Variants in ZNF33A observed in about 807,000 individuals in gnomAD.
ZNF33A encodes the protein zinc finger protein 33A, also known as brain my041 protein.
A neutral mutation model predicts 15.9 loss-of-function variants in ZNF33A; 9 were observed. The ratio of observed to expected loss-of-function variants is 0.57; its 90% CI spans 0.34 to 0.99. The LOEUF is 0.99. ZNF33A is among the 50% of genes least tolerant of loss of function. The pLI is 0.02. For synonymous variants in ZNF33A, 294 were observed against 324.2 expected, an observed-to-expected ratio of 0.91 and a Z score of 1.00; for missense variants, 843 against 941.6, an observed-to-expected ratio of 0.90 and a Z score of 1.37.
chr10:38,043,356 G>A (rs1421265936), intron 4 of ZNF33A, among the ~76,000 whole-genome samples: 1 of 140,600 alleles, frequency 7.1e-6, no homozygotes, highest in East Asian at 2.3e-4. Context: ...GTGGGGTAGG[G>A]GGAGGGGGGA....
Position 38,056,989 on chromosome 10 carries a change from C to A in ZNF33A, c.*429C>A. On this transcript the variant is annotated 3_prime_UTR_variant, in exon 5 of 5. Transcript: ENST00000432900. Reference sequence around the variant, plus strand: ...AATGAGTAGAGAGAATTCCCATGTACACTTCACCAAACTTCCTCTAAGGAT... The same window carrying A: ...AATGAGTAGAGAGAATTCCCATGTAAACTTCACCAAACTTCCTCTAAGGAT... 1.2e-6 allele frequency: 1 copy of A among 831,800 alleles called. No homozygotes were observed. The highest frequency in any genetic ancestry group is 5.3e-5 in the South Asian group (1 of 18,728). 51.5% of individuals were successfully genotyped at this position (831,800 alleles called of 1,614,324 possible).
Position 38,055,227 on chromosome 10 carries a change from A to G in ZNF33A, c.1103A>G (p.Asp368Gly), listed in dbSNP as rs1363289275. 1.2e-6 allele frequency: 2 copies of G among 1,614,180 alleles called. No homozygotes were observed. Among genetic ancestry groups the G allele is most frequent in the Admixed American group, 1.7e-5 (1 of 60,022 alleles). Residue 368 changes from aspartate (D) to glycine (G), a missense_variant, in exon 5 of 5, where the codon GAT (aspartate) becomes GGT (glycine). Transcript: ENST00000432900. Reference sequence around the variant, plus strand: ...AATGAATGTGAAAAAGCTTTCTGGGATAAGTCAAACCTCACTAAACATCAA... The same window carrying G: ...AATGAATGTGAAAAAGCTTTCTGGGGTAAGTCAAACCTCACTAAACATCAA... ...QCNECEKAFW[D>G]KSNLTKHQRS...
intron 4 of ZNF33A, among the ~76,000 whole-genome samples, chr10:38,053,135 A>AAC (rs2066288806): frequency 2.0e-5 from 3 of 151,752 alleles, no homozygotes; most frequent in Non-Finnish European, 4.4e-5. Flanking sequence ...GTTTCAGTCA[A>AAC]GTGTAGTTTC....
At position 38,054,922 on chromosome 10, in the gene ZNF33A, G is replaced by C. The variant is rs751939801; in HGVS notation, c.798G>C (p.Gln266His). 3.1e-6 allele frequency: 5 copies of C among 1,613,932 alleles called. No homozygotes were observed. Among genetic ancestry groups the C allele is most frequent in the Non-Finnish European group, 4.2e-6 (5 of 1,179,984 alleles). The change falls in exon 5 of 5, where the codon CAG becomes CAC. Residue 266 changes from glutamine (Q) to histidine (H), a missense_variant. By Grantham distance (24) the Gln-to-His change is conservative (BLOSUM62 0). Transcript: ENST00000432900. ...ATAGTTCATCCCTCTTGTTCCATCA[G>C]ATATCTCCGTCAAGGGACAATCACT... ...LCDSSSLLFH[Q>H]ISPSRDNHYE...
At chr10:38,016,006 A>G (rs998886448) in intron 2 of ZNF33A, 3 of 1,231,518 alleles carry the variant, frequency 2.4e-6, no homozygotes, top group African/African-American at 1.6e-5. Context: ...GATATCCAGA[A>G]CAATCCAATT....
chr10:38,046,320 TAC>T (rs1279851482), intron 4 of ZNF33A, among the ~76,000 whole-genome samples: 3 of 152,144 alleles, frequency 2.0e-5, no homozygotes, highest in Non-Finnish European at 2.9e-5. Flanking sequence ...AAGGGAACAG[TAC>T]ACAATACTCA....
chr10:38,011,312 C>T (rs1244616319), intron 1 of ZNF33A, among the ~76,000 whole-genome samples: 1 of 152,186 alleles, frequency 6.6e-6, no homozygotes, highest in Non-Finnish European at 1.5e-5. Context: ...TGGCCTGGCG[C>T]GGTGGCTCTC....
chr10:38,036,737 G>A (rs141738530), intron 4 of ZNF33A, among the ~76,000 whole-genome samples: 2 of 152,258 alleles, frequency 1.3e-5, no homozygotes, highest in South Asian at 2.1e-4. Flanking sequence ...GAAATGGTAG[G>A]TAATGCCATA....
rs1329748701 is a variant in ZNF33A, at chr10:38,055,380, G to C, written c.1256G>C (p.Gly419Ala). 1.9e-6 allele frequency: 3 copies of C among 1,613,858 alleles called. No homozygotes were observed. In the African/African-American group the frequency reaches 4.0e-5, roughly 22 times the overall value. The change falls in exon 5 of 5, where the codon GGG becomes GCG. Residue 419 changes from glycine (G) to alanine (A), a missense_variant. Transcript: ENST00000432900. ...AAACCCTATCAATGTAATGCGTGTG[G>C]GAAAACTTTTTGCCAGAAATCTGAC... ...GEKPYQCNACGKTFCQKSDLT... is the reference protein window; with the variant it reads ...GEKPYQCNACAKTFCQKSDLT...
rs140689355 is a variant in ZNF33A, at chr10:38,026,903, T to G, written c.250+9517T>G. Among the ~76,000 whole-genome samples, 150 of 152,342 alleles carry G rather than the reference T, an allele frequency of 9.8e-4. 3 individuals are homozygous for G. The East Asian group carries it at 0.024, about 24-fold the overall frequency. On this transcript the variant is annotated intron_variant, in intron 4 of 4. Coordinates refer to ENST00000432900, the MANE Select transcript of ZNF33A (RefSeq NM_006954.2). ...GGCAACCTCTAATCTATTTTGTCTC[T>G]GTGAGTATGACTGTTGTGAATATTT...
intron 2 of ZNF33A, among the ~76,000 whole-genome samples, chr10:38,014,231 G>T (rs886484372): frequency 1.8e-4 from 27 of 151,670 alleles, no homozygotes; most frequent in Non-Finnish European, 3.4e-4. Flanking sequence ...GTAGAGACAG[G>T]GTTTTACTTG....
At chr10:38,049,385 C>G (rs978098537) in intron 4 of ZNF33A, among the ~76,000 whole-genome samples, 1 of 151,930 alleles carries the variant, frequency 6.6e-6, no homozygotes, top group African/African-American at 2.4e-5. Flanking sequence ...TTTTTTCTAG[C>G]TTTTTAAGGT....
chr10:38,028,677 A>G (rs1330216746), intron 4 of ZNF33A, among the ~76,000 whole-genome samples: 1 of 152,150 alleles, frequency 6.6e-6, no homozygotes, highest in African/African-American at 2.4e-5. Flanking sequence ...TGTGTTGGCC[A>G]GGCTGGTCTT....
intron 4 of ZNF33A, among the ~76,000 whole-genome samples, chr10:38,041,374 G>A (rs1230104178): frequency 6.7e-6 from 1 of 150,180 alleles, no homozygotes; most frequent in Admixed American, 6.7e-5. Flanking sequence ...AAATTATGAT[G>A]TCTCTTTGAA....
rs117486488 is a variant in ZNF33A, at chr10:38,036,564, G to A, written c.251-17811G>A. Reference sequence around the variant, plus strand: ...TCCAACACCCATTCATGATAAAACCGAGCAAACTAGGAATAGAGAGGAACT... The same window carrying A: ...TCCAACACCCATTCATGATAAAACCAAGCAAACTAGGAATAGAGAGGAACT... On this transcript the variant is annotated intron_variant, in intron 4 of 4. Coordinates refer to ENST00000432900, the MANE Select transcript of ZNF33A (RefSeq NM_006954.2). Among the ~76,000 whole-genome samples the A allele has an allele frequency of 4.1e-4, 63 of 152,020 alleles. 1 individual carries two copies. The East Asian group carries it at 8.7e-3, about 21-fold the overall frequency.
chr10:38,026,341 T>C (rs964815357), intron 4 of ZNF33A, among the ~76,000 whole-genome samples: 2 of 151,564 alleles, frequency 1.3e-5, no homozygotes, highest in African/African-American at 4.8e-5. Context: ...GATAGATAGA[T>C]AATTTGTTTT....
At chr10:38,012,487 A>G (rs1247135330) in intron 2 of ZNF33A, 137 bp downstream of exon 2, 5 of 1,061,328 alleles carry the variant, frequency 4.7e-6, no homozygotes, top group Admixed American at 2.5e-5. Context: ...GCTGGAGTAC[A>G]ATGTCCCCAT....
chr10:38,040,667 A>G (rs530032938), intron 4 of ZNF33A, among the ~76,000 whole-genome samples: 2 of 152,242 alleles, frequency 1.3e-5, no homozygotes, highest in African/African-American at 4.8e-5. Flanking sequence ...TCTGTCTTCA[A>G]ATTTTCAACC....
intron 4 of ZNF33A, among the ~76,000 whole-genome samples, chr10:38,037,899 C>T (rs1312062078): frequency 6.6e-6 from 1 of 152,104 alleles, no homozygotes. Context: ...TTGTTAGTTT[C>T]TCCAAAAAGG....
Sources: gnomAD v4.1 joint callset for allele counts (sites outside exome capture counted in the v4.1 genomes callset) on GRCh38, gnomAD v4.1.1 for gene constraint, MANE v1.5 for transcripts, NCBI Gene and HGNC (gene_info 2026-07-23, HGNC 2026-07-21) for gene names.